Variants in SPATA16 observed in about 807,000 individuals in gnomAD.
SPATA16 encodes spermatogenesis associated 16.
In SPATA16, 36 loss-of-function variants were observed where a neutral mutation model predicts 63.3. That is an observed-to-expected ratio of 0.57 (90% CI 0.44 to 0.75). SPATA16 has a LOEUF of 0.75. SPATA16 is among the 30% of genes least tolerant of loss of function. The pLI, the probability that SPATA16 is intolerant of heterozygous loss-of-function variation, is 0.00. For missense variants in SPATA16, 646 were observed against 679.3 expected, an observed-to-expected ratio of 0.95 and a Z score of 0.54; for synonymous variants, 203 against 216.7, an observed-to-expected ratio of 0.94 and a Z score of 0.56.
chr3:173,102,886 G>A (rs777539832), intron 2 of SPATA16, among the ~76,000 whole-genome samples: 2 of 152,146 alleles, frequency 1.3e-5, no homozygotes, highest in African/African-American at 2.4e-5. Context: ...CTTCCAATAT[G>A]AGCCTGTAAA....
chr3:173,036,504 G>C (rs1254413373), intron 3 of SPATA16, among the ~76,000 whole-genome samples: 1 of 151,894 alleles, frequency 6.6e-6, no homozygotes, highest in Non-Finnish European at 1.5e-5. Context: ...CTCATGAATG[G>C]ATAAACAATC....
chr3:173,014,851 G>C (rs1268729714), intron 4 of SPATA16, among the ~76,000 whole-genome samples: 1 of 152,064 alleles, frequency 6.6e-6, no homozygotes, highest in African/African-American at 2.4e-5. Flanking sequence ...ACTATCACAG[G>C]TATCTAGTTT....
intron 2 of SPATA16, among the ~76,000 whole-genome samples, chr3:173,105,816 C>CCTTG (rs1368507920): frequency 6.7e-6 from 1 of 150,140 alleles, no homozygotes; most frequent in Non-Finnish European, 1.5e-5. Context: ...TCCCTTCCTT[C>CCTTG]CTTCCTTCCT....
intron 10 of SPATA16, among the ~76,000 whole-genome samples, chr3:172,900,291 T>G (rs552781697): frequency 6.6e-6 from 1 of 152,354 alleles, no homozygotes; most frequent in African/African-American, 2.4e-5. Flanking sequence ...TTGTCATTTA[T>G]TTTTTCATAT....
Position 172,998,837 on chromosome 3 carries a change from T to C in SPATA16, c.848+20649A>G, listed in dbSNP as rs566868365. Among the ~76,000 whole-genome samples the C allele has an allele frequency of 5.9e-5, 9 of 152,330 alleles. No homozygotes were observed. In the East Asian group the frequency reaches 1.7e-3, roughly 29 times the overall value. ...CTTCTTCTTTAGCCTGTTGATATGA[T>C]GGATTACTTCAATTTATTTTCAAAT... On this transcript the variant is annotated intron_variant, in intron 4 of 10. Coordinates refer to ENST00000351008, the MANE Select transcript of SPATA16 (RefSeq NM_031955.6).
chr3:172,925,101 T>C (rs139262767), intron 7 of SPATA16, among the ~76,000 whole-genome samples: 1 of 152,288 alleles, frequency 6.6e-6, no homozygotes. Flanking sequence ...TTAAGCACTG[T>C]ATGATCAGGC....
intron 1 of SPATA16, among the ~76,000 whole-genome samples, chr3:173,134,445 C>A (rs553358666): frequency 2.6e-5 from 4 of 151,802 alleles, no homozygotes; most frequent in African/African-American, 7.3e-5. Flanking sequence ...GCTAAGATTG[C>A]ACCACTGCAC....
intron 1 of SPATA16, among the ~76,000 whole-genome samples, chr3:173,123,896 T>G (rs2108342376): frequency 6.6e-6 from 1 of 152,000 alleles, no homozygotes; most frequent in African/African-American, 2.4e-5. Context: ...AAGCCACCAC[T>G]TCCGGCCTGG....
intron 2 of SPATA16, among the ~76,000 whole-genome samples, chr3:173,084,022 C>G (rs1475054862): frequency 1.3e-5 from 2 of 152,068 alleles, no homozygotes; most frequent in Non-Finnish European, 2.9e-5. Context: ...GATTTATATT[C>G]CTTTGGGTGT....
chr3:173,072,360 CATTGGGT>C (rs1204699528), intron 2 of SPATA16, among the ~76,000 whole-genome samples: 1 of 152,096 alleles, frequency 6.6e-6, no homozygotes, highest in African/African-American at 2.4e-5. Flanking sequence ...GGGAGCTAAA[CATTGGGT>C]ACTCATGAAT....
At chr3:173,031,022 AG>A (rs1453507370) in intron 3 of SPATA16, among the ~76,000 whole-genome samples, 4 of 152,080 alleles carry the variant, frequency 2.6e-5, no homozygotes, top group African/African-American at 9.7e-5. Context: ...ATGTACCTGG[AG>A]TAGTCAAATT....
At chr3:173,033,129 G>A (rs1348525711) in intron 3 of SPATA16, among the ~76,000 whole-genome samples, 3 of 152,136 alleles carry the variant, frequency 2.0e-5, no homozygotes, top group African/African-American at 7.2e-5. Flanking sequence ...TCAGCGTAGA[G>A]ATAGATAAGT....
intron 2 of SPATA16, among the ~76,000 whole-genome samples, chr3:173,063,793 T>C (rs905197383): frequency 6.6e-6 from 1 of 152,186 alleles, no homozygotes; most frequent in Non-Finnish European, 1.5e-5. Flanking sequence ...ATATTTTGCT[T>C]AGAAATGTTG....
At chr3:172,959,567 A>G (rs1254222480) in intron 5 of SPATA16, among the ~76,000 whole-genome samples, 1 of 152,142 alleles carries the variant, frequency 6.6e-6, no homozygotes, top group Admixed American at 6.5e-5. Context: ...TAGAAATTGT[A>G]TTCTCCATGG....
chr3:173,126,176 A>G (rs998214154), intron 1 of SPATA16, among the ~76,000 whole-genome samples: 1 of 152,178 alleles, frequency 6.6e-6, no homozygotes, highest in Non-Finnish European at 1.5e-5. Context: ...GACATACAGC[A>G]TGGCTTATTC....
At chr3:172,988,395 AG>A (rs1734502449) in intron 4 of SPATA16, among the ~76,000 whole-genome samples, 1 of 152,210 alleles carries the variant, frequency 6.6e-6, no homozygotes, top group Non-Finnish European at 1.5e-5. Context: ...TGTAAATTTT[AG>A]GTAGCTATAC....
chr3:173,121,911 CT>C (rs1223050993), intron 1 of SPATA16, among the ~76,000 whole-genome samples: 2 of 151,958 alleles, frequency 1.3e-5, no homozygotes, highest in East Asian at 1.9e-4. Flanking sequence ...AACCTCTTCA[CT>C]TTTTTTTAGT....
chr3:173,010,435 CGTGTGTGTGTGTGTGTGT>C (rs66547523), intron 4 of SPATA16, among the ~76,000 whole-genome samples: 2 of 141,310 alleles, frequency 1.4e-5, no homozygotes, highest in African/African-American at 2.7e-5. Flanking sequence ...CACGTTGTGG[CGTGTGTGTGTGTGTGTGT>C]GTGTGTGTGT....
At chr3:173,005,427 G>T (rs1366019832) in intron 4 of SPATA16, among the ~76,000 whole-genome samples, 1 of 151,616 alleles carries the variant, frequency 6.6e-6, no homozygotes, top group African/African-American at 2.4e-5. Context: ...GGGCCTCTCT[G>T]TGTTCCCTCT....
Sources: allele counts gnomAD v4.1 joint callset (sites outside exome capture counted in the v4.1 genomes callset), GRCh38; gene constraint gnomAD v4.1.1; transcripts MANE v1.5; gene names NCBI Gene and HGNC (gene_info 2026-07-23, HGNC 2026-07-21).